The following RANGAP1 variants were observed in gnomAD, a reference collection of about 807,000 sequenced individuals.
The protein encoded by RANGAP1 is ran GTPase-activating protein 1.
In RANGAP1, 38 loss-of-function variants were observed where a neutral mutation model predicts 63.5. The observed-to-expected ratio is 0.60, with a 90% CI of 0.46 to 0.78. The LOEUF is 0.78. Ranked by LOEUF, RANGAP1 falls within the 30% of genes least tolerant of loss-of-function variation. RANGAP1 has a pLI of 0.00. For missense variants in RANGAP1, 630 were observed against 740.3 expected (o/e 0.85, Z 1.73); for synonymous variants, 329 against 310.5 (o/e 1.06, Z -0.63).
At chr22:41,280,422 G>A (rs1398192181) in intron 2 of RANGAP1, among the ~76,000 whole-genome samples, 1 of 152,226 alleles carries the variant, frequency 6.6e-6, no homozygotes, top group East Asian at 1.9e-4. Context: ...GTTTTCTGTG[G>A]TTGCAATACC....
At chr22:41,291,967 G>A in the RANGAP1 span, among the ~76,000 whole-genome samples, 1 of 151,488 alleles carries the variant, frequency 6.6e-6, no homozygotes, top group Non-Finnish European at 1.5e-5. Context: ...TGTCCCCCAG[G>A]CTGGGGTGCA....
the RANGAP1 span, among the ~76,000 whole-genome samples, chr22:41,300,413 G>A: frequency 5.3e-4 from 62 of 116,936 alleles, no homozygotes; most frequent in Non-Finnish European, 7.4e-4. Flanking sequence ...AAATTGCCTA[G>A]GGGGTATTGG....
chr22:41,256,575 A>G (rs2033849089), intron 8 of RANGAP1, 136 bp downstream of exon 8: 1 of 742,820 alleles, frequency 1.3e-6, no homozygotes, highest in Non-Finnish European at 2.2e-6. Flanking sequence ...AGGCTCACAC[A>G]GCATCACAGG....
intron 8 of RANGAP1, 97 bp from the exon 9 acceptor site, chr22:41,256,387 G>A: frequency 8.0e-7 from 1 of 1,249,728 alleles, no homozygotes. Flanking sequence ...GGATATGGCA[G>A]GCTCTGTCCT....
At chr22:41,259,311 A>G (rs1174061784) in intron 6 of RANGAP1, among the ~76,000 whole-genome samples, 1 of 152,064 alleles carries the variant, frequency 6.6e-6, no homozygotes, top group Non-Finnish European at 1.5e-5. Context: ...GTGGTCCACA[A>G]ATAAATACAG....
intron 7 of RANGAP1, 108 bp from the exon 8 acceptor site, chr22:41,256,932 T>C (rs536295927): frequency 1.3e-6 from 1 of 749,748 alleles, no homozygotes; most frequent in East Asian, 2.7e-5. Context: ...CACCACACAC[T>C]GTCCTCCTCT....
At chr22:41,266,216 A>G (rs919591367) in intron 4 of RANGAP1, among the ~76,000 whole-genome samples, 6 of 143,764 alleles carry the variant, frequency 4.2e-5, no homozygotes, top group African/African-American at 1.3e-4. Context: ...AAAAAAAAAA[A>G]GCCTAGCCCC....
chr22:41,291,623 G>T, the RANGAP1 span, among the ~76,000 whole-genome samples: 1 of 147,322 alleles, frequency 6.8e-6, no homozygotes, highest in Non-Finnish European at 1.5e-5. Flanking sequence ...AATAGGCCGG[G>T]CGCAGTGGCT....
At chr22:41,255,148 A>C (rs972495129) in intron 10 of RANGAP1, among the ~76,000 whole-genome samples, 10 of 152,094 alleles carry the variant, frequency 6.6e-5, no homozygotes, top group African/African-American at 2.4e-4. Context: ...CCACATCCAC[A>C]TGACCTCAGG....
intron 10 of RANGAP1, 107 bp from the exon 11 acceptor site, chr22:41,254,601 G>C (rs1053030230): frequency 5.4e-6 from 8 of 1,485,504 alleles, no homozygotes; most frequent in African/African-American, 1.4e-5. Context: ...AGGAGGGAGA[G>C]AGCCTGGTGG....
At position 41,257,154 on chromosome 22, in the gene RANGAP1, T is replaced by TGATC. The variant is rs2033892458; in HGVS notation, c.775-331_775-330insGATC. 6.6e-6 allele frequency among the ~76,000 whole-genome samples: 1 copy of TGATC among 152,104 alleles called. No homozygotes were observed. The highest frequency in any genetic ancestry group is 2.1e-4 in the South Asian group (1 of 4,828). ...GTCCAGAGAAAGACCACTTGCCCTA[T>TGATC]ACAACTTAGCCAAAATGTGATCTCT... On this transcript the variant is annotated intron_variant, in intron 7 of 15. Transcript: ENST00000356244. This position sits in a 1 kb window ranked among gnomAD's most constrained non-coding sequence, Gnocchi z 4.0.
rs1249057284 is a variant in RANGAP1 at position 41,246,594 on chromosome 22, G to C, written c.*9C>G. The C allele has an allele frequency of 6.4e-7, 1 of 1,554,010 alleles. No individual in the cohort carries two copies. Among genetic ancestry groups the C allele is most frequent in the Non-Finnish European group, 8.8e-7 (1 of 1,142,562 alleles). On this transcript the variant is annotated 3_prime_UTR_variant, in exon 16 of 16. Transcript: ENST00000356244. ...TGGTCCAGGCCAAGGGATGGGAGAG[G>C]CTTTGAGTCTAGACCTTGTACAGCG...
intron 1 of RANGAP1, chr22:41,281,653 T>A: frequency 2.0e-6 from 2 of 986,790 alleles, no homozygotes; most frequent in Non-Finnish European, 2.4e-6. Flanking sequence ...CAGGCCACAA[T>A]GGCCCCTCAG....
chr22:41,263,080 A>G (rs1033309999), intron 5 of RANGAP1, among the ~76,000 whole-genome samples: 1 of 152,104 alleles, frequency 6.6e-6, no homozygotes, highest in Non-Finnish European at 1.5e-5. Flanking sequence ...AGAACCATCA[A>G]TCAAACTCCA....
chr22:41,295,126 C>CA, the RANGAP1 span, among the ~76,000 whole-genome samples: 1 of 147,202 alleles, frequency 6.8e-6, no homozygotes, highest in African/African-American at 2.6e-5. Context: ...AGGTGAGGGG[C>CA]GCCTCTGCCC....
At chr22:41,262,962 C>A (rs1045993008) in intron 5 of RANGAP1, among the ~76,000 whole-genome samples, 1 of 152,202 alleles carries the variant, frequency 6.6e-6, no homozygotes. Flanking sequence ...AAAGGACCTG[C>A]AGGCCTTGGT....
At chr22:41,280,435 T>C (rs2035430747) in intron 2 of RANGAP1, among the ~76,000 whole-genome samples, 1 of 152,202 alleles carries the variant, frequency 6.6e-6, no homozygotes, top group South Asian at 2.1e-4. Flanking sequence ...GCAATACCTG[T>C]ATACACACAG....
In RANGAP1 at chr22:41,280,998, G is replaced by A. The variant is rs1368460385; in HGVS notation, c.47C>T (p.Thr16Ile). The A allele has an allele frequency of 6.2e-7, 1 of 1,612,920 alleles. No homozygotes were observed. The highest frequency in any genetic ancestry group is 2.2e-5 in the East Asian group (1 of 44,882). ...ACTCAGCTGTCCCCCGGCCACCTGA[G>A]TCTTGGCAAGTGTCTCTGCCAGCTT... ...IAKLAETLAK[T>I]QVAGGQLSFK... Residue 16 changes from threonine to isoleucine, a missense_variant, in exon 2 of 16, where the codon ACT (threonine) becomes ATT (isoleucine). Physicochemically the swap from Thr to Ile is moderately conservative, Grantham distance 89. Transcript: ENST00000356244.
chr22:41,285,670 T>C (rs1431899880), intron 1 of RANGAP1: 1 of 985,170 alleles, frequency 1.0e-6, no homozygotes, highest in Non-Finnish European at 1.2e-6. Flanking sequence ...AGGAGCCCCA[T>C]CTGGAATCCC....
Sources: gnomAD v4.1 joint callset for allele counts (sites outside exome capture counted in the v4.1 genomes callset) on GRCh38, gnomAD v4.1.1 for gene constraint, Gnocchi (gnomAD v3.1) non-coding constraint, MANE v1.5 for transcripts, NCBI Gene and HGNC (gene_info 2026-07-23, HGNC 2026-07-21) for gene names.